Variants in NAV2 observed in about 807,000 individuals in gnomAD.
The protein encoded by NAV2 is helicase, APC down-regulated 1.
In NAV2, 54 loss-of-function variants were observed where a neutral mutation model predicts 223.2. The ratio of observed to expected loss-of-function variants is 0.24; its 90% CI spans 0.19 to 0.30. NAV2 has a LOEUF of 0.30. Among genes scored for constraint, NAV2 ranks in the 10% least tolerant of loss-of-function variants. The pLI, the probability that NAV2 is intolerant of heterozygous loss-of-function variation, is 1.00. For missense variants in NAV2, 2,806 were observed against 3,147.5 expected (o/e 0.89, Z 2.60); for synonymous variants, 1,279 against 1,239.3 (o/e 1.03, Z -0.67).
intron 36 of NAV2, among the ~76,000 whole-genome samples, chr11:20,110,750 T>C (rs967315772): frequency 3.9e-5 from 6 of 152,172 alleles, no homozygotes; most frequent in African/African-American, 1.4e-4. Context: ...AAAATTAAAA[T>C]TCCCTACTCT....
chr11:19,805,258 T>C (rs2058492075), intron 1 of NAV2, among the ~76,000 whole-genome samples: 1 of 152,212 alleles, frequency 6.6e-6, no homozygotes, highest in South Asian at 2.1e-4. Context: ...GTAGCACCAC[T>C]TACATTTTCT....
intron 1 of NAV2, among the ~76,000 whole-genome samples, chr11:19,478,413 G>A (rs35229444): frequency 0.1 from 15,320 of 152,184 alleles, 786 homozygotes; most frequent in Admixed American, 0.13. Context: ...GGCAGGAGAC[G>A]ATATCAAAGC....
intron 3 of NAV2, among the ~76,000 whole-genome samples, chr11:19,844,293 G>A (rs2060664799): frequency 6.6e-6 from 1 of 152,174 alleles, no homozygotes; most frequent in Non-Finnish European, 1.5e-5. Flanking sequence ...TTTCCCTCCA[G>A]GATAGATACT....
chr11:19,468,595 C>T lies in NAV2; in HGVS notation c.75+117568C>T, dbSNP rs536850537. On this transcript the variant is annotated intron_variant, in intron 1 of 37. Coordinates refer to the NAV2 transcript ENST00000360655. ...CTACTCTAATGTGACCTCATCTTAA[C>T]TAATTACATTTGTAATAACCTTATT... Among the ~76,000 whole-genome samples, 85 of 152,298 alleles carry T rather than the reference C, an allele frequency of 5.6e-4. 1 individual carries two copies. Among genetic ancestry groups the T allele is most frequent in the Non-Finnish European group, 2.6e-4 (18 of 68,030 alleles).
At chr11:19,834,653 G>A (rs932405630) in intron 2 of NAV2, among the ~76,000 whole-genome samples, 2 of 152,160 alleles carry the variant, frequency 1.3e-5, no homozygotes, top group African/African-American at 2.4e-5. Flanking sequence ...ATGCATGTGG[G>A]CCTACTTTGA....
chr11:19,957,960 G>C (rs900865973), intron 10 of NAV2, among the ~76,000 whole-genome samples: 2 of 152,172 alleles, frequency 1.3e-5, no homozygotes, highest in Non-Finnish European at 2.9e-5. Context: ...GTTGGGCCTC[G>C]ATTTCTTGGG....
At chr11:19,418,156 C>T (rs2702734) in intron 1 of NAV2, among the ~76,000 whole-genome samples, 1,629 of 152,298 alleles carry the variant, frequency 0.011, 28 homozygotes, top group African/African-American at 0.038. Flanking sequence ...CTATGACTTT[C>T]TGACTTTCTG....
chr11:19,842,080 C>T (rs957678114), intron 2 of NAV2, among the ~76,000 whole-genome samples: 1 of 152,138 alleles, frequency 6.6e-6, no homozygotes, highest in African/African-American at 2.4e-5. Context: ...TATGCTACGG[C>T]CTTTCTTGTG....
chr11:19,784,860 C>G (rs1250627856), intron 1 of NAV2, among the ~76,000 whole-genome samples: 1 of 152,114 alleles, frequency 6.6e-6, no homozygotes, highest in Non-Finnish European at 1.5e-5. Context: ...GACCTGACAC[C>G]TCATAAAGAG....
At chr11:19,588,675 T>C (rs954282140) in intron 1 of NAV2, among the ~76,000 whole-genome samples, 6 of 152,046 alleles carry the variant, frequency 3.9e-5, no homozygotes, top group Non-Finnish European at 5.9e-5. Flanking sequence ...TGAAAAAGGA[T>C]AGAAAATGGT....
intron 1 of NAV2, among the ~76,000 whole-genome samples, chr11:19,681,650 G>A (rs544882008): frequency 1.1e-4 from 17 of 152,332 alleles, no homozygotes; most frequent in African/African-American, 4.1e-4. Flanking sequence ...CCAATAGCCT[G>A]CAGTTCTGGG....
At chr11:19,571,941 G>T (rs1052207230) in intron 1 of NAV2, among the ~76,000 whole-genome samples, 1 of 152,158 alleles carries the variant, frequency 6.6e-6, no homozygotes. Context: ...AAGGAGAGGG[G>T]AGACTGTGGC....
chr11:19,909,945 G>A (rs1484530798), intron 6 of NAV2, among the ~76,000 whole-genome samples: 1 of 152,056 alleles, frequency 6.6e-6, no homozygotes, highest in African/African-American at 2.4e-5. Flanking sequence ...GTGAGGAAAT[G>A]GACTGTGAAT....
At chr11:19,710,393 C>T (rs2049828546), upstream of NAV2, among the ~76,000 whole-genome samples, 1 of 152,198 alleles carries the variant, frequency 6.6e-6, no homozygotes, top group African/African-American at 2.4e-5. Context: ...AGCAAGATCC[C>T]CAGTGATTCT....
chr11:19,969,449 C>A (rs2049037864), intron 10 of NAV2, among the ~76,000 whole-genome samples: 1 of 152,156 alleles, frequency 6.6e-6, no homozygotes, highest in Non-Finnish European at 1.5e-5. Context: ...CATCTTATTT[C>A]TCTTTGTGTT....
At chr11:19,478,309 C>T (rs1227906358) in intron 1 of NAV2, among the ~76,000 whole-genome samples, 3 of 152,072 alleles carry the variant, frequency 2.0e-5, no homozygotes, top group Non-Finnish European at 4.4e-5. Flanking sequence ...GTCCCAGTCA[C>T]TGAGGGTGAC....
intron 11 of NAV2, among the ~76,000 whole-genome samples, chr11:20,020,112 C>T (rs1380470508): frequency 6.6e-6 from 1 of 152,108 alleles, no homozygotes; most frequent in East Asian, 1.9e-4. Flanking sequence ...GAAGTGTCTT[C>T]ACTAGCATTG....
chr11:19,717,780 G>A (rs1335290503), intron 1 of NAV2, among the ~76,000 whole-genome samples: 1 of 152,186 alleles, frequency 6.6e-6, no homozygotes, highest in Non-Finnish European at 1.5e-5. Context: ...AAATGATGGT[G>A]ATTATTATTT....
At chr11:20,028,171 C>G (rs908410025) in intron 11 of NAV2, among the ~76,000 whole-genome samples, 1 of 152,296 alleles carries the variant, frequency 6.6e-6, no homozygotes, top group East Asian at 1.9e-4. Context: ...GTGAAGCTGA[C>G]ATGATTTATG....
Sources: allele counts gnomAD v4.1 joint callset (sites outside exome capture counted in the v4.1 genomes callset), GRCh38; gene constraint gnomAD v4.1.1; transcripts MANE v1.5; gene names NCBI Gene and HGNC (gene_info 2026-07-23, HGNC 2026-07-21).